Variants in ARL2 observed in about 807,000 individuals in gnomAD.
ARL2 encodes ADP-ribosylation factor-like protein 2.
In ARL2, 11 loss-of-function variants were observed where a neutral mutation model predicts 22.0. The ratio of observed to expected loss-of-function variants is 0.50; its 90% CI spans 0.31 to 0.83. ARL2 has a LOEUF of 0.83. Among genes scored for constraint, ARL2 ranks in the 40% least tolerant of loss-of-function variants. The pLI is 0.04. For missense variants in ARL2, 216 were observed against 243.2 expected (o/e 0.89, Z 0.74); for synonymous variants, 111 against 100.8 (o/e 1.10, Z -0.61).
rs776132002 is a variant in ARL2, at chr11:65,018,890, C to T, written c.339+157C>T. 6.5e-6 allele frequency: 10 copies of T among 1,535,128 alleles called. 1 individual carries two copies. The South Asian group carries it at 9.6e-5, about 15-fold the overall frequency. Reference sequence around the variant, plus strand: ...GAGGCCCATGGTGCCAGAGGCAGGACACATGCTGTGGACTGAGATTGAGTT... The same window carrying T: ...GAGGCCCATGGTGCCAGAGGCAGGATACATGCTGTGGACTGAGATTGAGTT... On this transcript the variant is annotated intron_variant, in intron 3 of 4. Coordinates refer to ENST00000246747, the MANE Select transcript of ARL2 (RefSeq NM_001667.4). The surrounding 1 kb of genome is among the most constrained non-coding windows in gnomAD (Gnocchi z 4.2).
chr11:65,017,247 G>C (rs549582558), intron 1 of ARL2, among the ~76,000 whole-genome samples: 1 of 151,714 alleles, frequency 6.6e-6, no homozygotes, highest in East Asian at 1.9e-4. Flanking sequence ...CCAGGCTGGA[G>C]TACAGTGGTG....
In ARL2 at chr11:65,018,481, A is replaced by C. The variant is rs1311394490; in HGVS notation, c.176+7A>C. The C allele has an allele frequency of 6.2e-7, 1 of 1,606,062 alleles. No individual in the cohort carries two copies. Among genetic ancestry groups the C allele is most frequent in the South Asian group, 1.1e-5 (1 of 89,480 alleles). On this transcript the variant is annotated splice_region_variant and intron_variant, in intron 2 of 4. Coordinates refer to ENST00000246747, the MANE Select transcript of ARL2 (RefSeq NM_001667.4). This position sits in a 1 kb window ranked among gnomAD's most constrained non-coding sequence, Gnocchi z 4.2. Reference sequence around the variant, plus strand: ...AGACCCTGGAGCACCGAGGGTGAGCAGGGGCCCCATGGGAGGGCCAGCCCA... The same window carrying C: ...AGACCCTGGAGCACCGAGGGTGAGCCGGGGCCCCATGGGAGGGCCAGCCCA...
At position 65,021,883 on chromosome 11, in the gene ARL2, G is replaced by T; in HGVS notation, c.*28G>T. 6.2e-7 allele frequency: 1 copy of T among 1,601,780 alleles called. No individual in the cohort carries two copies. ...CACTCCAGATGCCCCCCACCTAGCAGTCCAGGTCCCTCAACCTTCACCAAA... is the reference window on the plus strand; with the variant it reads ...CACTCCAGATGCCCCCCACCTAGCATTCCAGGTCCCTCAACCTTCACCAAA... On this transcript the variant is annotated 3_prime_UTR_variant, in exon 5 of 5. Transcript: ENST00000246747.
At position 65,018,866 on chromosome 11, in the gene ARL2, A is replaced by G. The variant is rs773108986; in HGVS notation, c.339+133A>G. ...TCCTTCTCTGGGCCCCCACCATGGG[A>G]GGCCCATGGTGCCAGAGGCAGGACA... On this transcript the variant is annotated intron_variant, in intron 3 of 4. Coordinates refer to ENST00000246747, the MANE Select transcript of ARL2 (RefSeq NM_001667.4). This position sits in a 1 kb window ranked among gnomAD's most constrained non-coding sequence, Gnocchi z 4.2. The G allele has an allele frequency of 3.9e-6, 6 of 1,538,258 alleles. No individual in the cohort carries two copies. The Admixed American group carries it at 1.2e-4, about 30-fold the overall frequency.
In ARL2 at chr11:65,018,333, A is replaced by G. The variant is rs1297906511; in HGVS notation, c.66-31A>G. 7 of 1,555,434 alleles carry G rather than the reference A, an allele frequency of 4.5e-6. No homozygotes were observed. The highest frequency in any genetic ancestry group is 6.1e-6 in the Non-Finnish European group (7 of 1,144,588). Reference sequence around the variant, plus strand: ...ACAATGTCACCACCTGGCAGAGAACAGGGACTTCTCCTTAACCTGCTGCGC... The same window carrying G: ...ACAATGTCACCACCTGGCAGAGAACGGGGACTTCTCCTTAACCTGCTGCGC... On this transcript the variant is annotated intron_variant, in intron 1 of 4. Coordinates refer to ENST00000246747, the MANE Select transcript of ARL2 (RefSeq NM_001667.4). This position sits in a 1 kb window ranked among gnomAD's most constrained non-coding sequence, Gnocchi z 4.2.
Position 65,022,090 on chromosome 11 carries a change from G to A in ARL2, c.*235G>A, listed in dbSNP as rs1056957. The A allele has an allele frequency of 1.8e-5, 10 of 564,654 alleles. No homozygotes were observed. In the East Asian group the frequency reaches 3.0e-4, roughly 17 times the overall value. The allele number at this position is 564,654 out of a possible 1,614,324, so 35.0% of individuals were successfully genotyped here. A position where few individuals can be genotyped will look rare whatever the true frequency, so the allele number is the denominator to read the frequency against. ...TGGCCTTTGGCTACCATACCAAGAA[G>A]AGAGGGCTGGGCGGGGAGGAGCTGC... On this transcript the variant is annotated 3_prime_UTR_variant, in exon 5 of 5. Coordinates refer to ENST00000246747, the MANE Select transcript of ARL2 (RefSeq NM_001667.4).
chr11:65,018,813 C>T lies in ARL2; in HGVS notation c.339+80C>T. ...CAGATGCCCAGAGGGGCCCGTGGCCCCAGAGGGAAACCAGAGGCAGGATCC... is the reference window on the plus strand; with the variant it reads ...CAGATGCCCAGAGGGGCCCGTGGCCTCAGAGGGAAACCAGAGGCAGGATCC... On this transcript the variant is annotated intron_variant, in intron 3 of 4. Coordinates refer to ENST00000246747, the MANE Select transcript of ARL2 (RefSeq NM_001667.4). The surrounding 1 kb of genome is among the most constrained non-coding windows in gnomAD (Gnocchi z 4.2). The T allele has an allele frequency of 6.3e-7, 1 of 1,581,728 alleles. No individual in the cohort carries two copies.
intron 1 of ARL2, among the ~76,000 whole-genome samples, chr11:65,016,164 G>A (rs1310586576): frequency 7.0e-6 from 1 of 142,802 alleles, no homozygotes; most frequent in Non-Finnish European, 1.5e-5. Flanking sequence ...CTGAGATCAC[G>A]CCATTGCAGT....
chr11:65,021,460 C>A (rs576554039), intron 4 of ARL2: 15 of 421,134 alleles, frequency 3.6e-5, no homozygotes, highest in African/African-American at 2.7e-4. Flanking sequence ...GCACGATGCC[C>A]GGATCCTGGT....
rs190800247 is a variant in ARL2 at position 65,018,350 on chromosome 11, C to G, written c.66-14C>G. On this transcript the variant is annotated splice_polypyrimidine_tract_variant and intron_variant, in intron 1 of 4. Transcript: ENST00000246747. This position sits in a 1 kb window ranked among gnomAD's most constrained non-coding sequence, Gnocchi z 4.2. ...CAGAGAACAGGGACTTCTCCTTAAC[C>G]TGCTGCGCCCCAGTGGCCTGGACAA... 189 of 1,585,020 alleles carry G rather than the reference C, an allele frequency of 1.2e-4. No homozygotes were observed. The highest frequency in any genetic ancestry group is 1.8e-4 in the Middle Eastern group (1 of 5,464).
In ARL2 at chr11:65,018,673, C is replaced by T. The variant is rs1007133912; in HGVS notation, c.279C>T (p.Ser93=). The stretch of plus-strand genomic sequence containing the variant: ...ATGGCCTCATCTGGGTAGTGGACAG[C>T]GCAGACCGCCAGCGCATGCAGGACT... ...STDGLIWVVD[S]ADRQRMQDCQ... is the part of the protein sequence containing the mutation. The change falls in exon 3 of 5, where the codon AGC becomes AGT. Residue 93 remains serine, a synonymous_variant. Coordinates refer to ENST00000246747, the MANE Select transcript of ARL2 (RefSeq NM_001667.4). This position sits in a 1 kb window ranked among gnomAD's most constrained non-coding sequence, Gnocchi z 4.2. The T allele has an allele frequency of 1.2e-5, 20 of 1,614,190 alleles. No homozygotes were observed. The highest frequency in any genetic ancestry group is 2.2e-5 in the East Asian group (1 of 44,884).
intron 1 of ARL2, among the ~76,000 whole-genome samples, chr11:65,015,681 G>T (rs557945665): frequency 1.3e-5 from 2 of 152,144 alleles, no homozygotes; most frequent in Non-Finnish European, 2.9e-5. Flanking sequence ...AGCACTTTGG[G>T]AGGCTGAGGT....
At chr11:65,017,818 G>A (rs891887787) in intron 1 of ARL2, among the ~76,000 whole-genome samples, 1 of 152,236 alleles carries the variant, frequency 6.6e-6, no homozygotes, top group African/African-American at 2.4e-5. Flanking sequence ...AATTTGCACT[G>A]TGCAGTAGCA....
Position 65,022,002 on chromosome 11 carries a change from C to T in ARL2, c.*147C>T. ...GCTGCTACTGCTGCCCGCTGCTGCT[C>T]TGTGGCCACCCGGCTCCCATGGCGG... On this transcript the variant is annotated 3_prime_UTR_variant, in exon 5 of 5. Coordinates refer to ENST00000246747, the MANE Select transcript of ARL2 (RefSeq NM_001667.4). The T allele has an allele frequency of 8.3e-7, 1 of 1,211,284 alleles. No homozygotes were observed. The highest frequency in any genetic ancestry group is 1.1e-6 in the Non-Finnish European group (1 of 878,548). 75.0% of individuals were successfully genotyped at this position (1,211,284 alleles called of 1,614,324 possible).
In ARL2 at chr11:65,021,910, A is replaced by C; in HGVS notation, c.*55A>C. 2 of 1,580,696 alleles carry C rather than the reference A, an allele frequency of 1.3e-6. No individual in the cohort carries two copies. The highest frequency in any genetic ancestry group is 1.7e-6 in the Non-Finnish European group (2 of 1,162,978). On this transcript the variant is annotated 3_prime_UTR_variant, in exon 5 of 5. Transcript: ENST00000246747. ...CCAGGTCCCTCAACCTTCACCAAACACTACCCATGGGGGGTTGGGAGTCAG... is the reference window on the plus strand; with the variant it reads ...CCAGGTCCCTCAACCTTCACCAAACCCTACCCATGGGGGGTTGGGAGTCAG...
In ARL2 at chr11:65,022,180, C is replaced by A; in HGVS notation, c.*325C>A. The A allele has an allele frequency of 3.1e-6, 1 of 322,872 alleles. No homozygotes were observed. The highest frequency in any genetic ancestry group is 5.7e-5 in the East Asian group (1 of 17,632). 20.0% of individuals were successfully genotyped at this position (322,872 alleles called of 1,614,324 possible). A position where few individuals can be genotyped will look rare whatever the true frequency, so the allele number is the denominator to read the frequency against. On this transcript the variant is annotated 3_prime_UTR_variant, in exon 5 of 5. Coordinates refer to ENST00000246747, the MANE Select transcript of ARL2 (RefSeq NM_001667.4). ...AGTTGTGAAATAAACCGCTCCTTGC[C>A]CCGATTCCTGGCTGAGTCATTTGTT...
In ARL2 at chr11:65,018,140, G is replaced by T. The variant is rs1185286827; in HGVS notation, c.66-224G>T. ...CTTTGTCCTCTAGCACCCAGAAGAG[G>T]GTCTGGCACATAGTAGGTGTTCAAC... On this transcript the variant is annotated intron_variant, in intron 1 of 4. Transcript: ENST00000246747. This position sits in a 1 kb window ranked among gnomAD's most constrained non-coding sequence, Gnocchi z 4.2. 6.6e-6 allele frequency among the ~76,000 whole-genome samples: 1 copy of T among 152,184 alleles called. No homozygotes were observed. The highest frequency in any genetic ancestry group is 1.5e-5 in the Non-Finnish European group (1 of 68,038).
chr11:65,020,337 C>T (rs1008908208), intron 3 of ARL2, 82 bp from the exon 4 acceptor site: 6 of 1,179,576 alleles, frequency 5.1e-6, no homozygotes, highest in African/African-American at 1.5e-5. Flanking sequence ...CGATCCTTCA[C>T]CCCAGATGCT....
chr11:65,015,911 G>A (rs1407144655), intron 1 of ARL2, among the ~76,000 whole-genome samples: 3 of 151,992 alleles, frequency 2.0e-5, no homozygotes, highest in African/African-American at 7.3e-5. Context: ...GTCAAAGAAG[G>A]CCACTGTATG....
Sources: gnomAD v4.1 joint callset for allele counts (sites outside exome capture counted in the v4.1 genomes callset) on GRCh38, gnomAD v4.1.1 for gene constraint, Gnocchi (gnomAD v3.1) non-coding constraint, MANE v1.5 for transcripts, NCBI Gene and HGNC (gene_info 2026-07-23, HGNC 2026-07-21) for gene names.